The following ROBO1 variants were observed in gnomAD, a reference collection of about 807,000 sequenced individuals.
ROBO1 encodes roundabout guidance receptor 1.
In ROBO1, 149 loss-of-function variants were observed where a neutral mutation model predicts 195.9. The ratio of observed to expected loss-of-function variants is 0.76; its 90% CI spans 0.67 to 0.87. The LOEUF is 0.87. Ranked by LOEUF, ROBO1 falls within the 40% of genes least tolerant of loss-of-function variation. ROBO1 has a pLI of 0.00. For synonymous variants in ROBO1, 816 were observed against 733.2 expected (o/e 1.11, Z -1.82); for missense variants, 1,933 against 2,068.3 (o/e 0.93, Z 1.27).
chr3:78,628,306 C>A (rs902995021), intron 25 of ROBO1, among the ~76,000 whole-genome samples: 1 of 152,210 alleles, frequency 6.6e-6, no homozygotes, highest in African/African-American at 2.4e-5. Flanking sequence ...TGGAGGTCAA[C>A]CTGTTCAGTC....
intron 2 of ROBO1, among the ~76,000 whole-genome samples, chr3:79,276,327 A>T (rs1279467409): frequency 2.0e-5 from 3 of 151,930 alleles, no homozygotes; most frequent in Admixed American, 2.0e-4. Flanking sequence ...ATACATCTAC[A>T]CTCAACTCAT....
At chr3:79,022,612 C>A (rs557298429) in intron 3 of ROBO1, among the ~76,000 whole-genome samples, 1 of 152,330 alleles carries the variant, frequency 6.6e-6, no homozygotes, top group East Asian at 1.9e-4. Flanking sequence ...CTTCAGGGAA[C>A]TCTGACATGT....
At chr3:78,641,885 C>A (rs779617597) in intron 21 of ROBO1, among the ~76,000 whole-genome samples, 1 of 152,244 alleles carries the variant, frequency 6.6e-6, no homozygotes, top group Admixed American at 6.5e-5. Flanking sequence ...GCTGACTTAT[C>A]GATTTACATC....
intron 2 of ROBO1, among the ~76,000 whole-genome samples, chr3:79,142,224 T>C (rs1158178060): frequency 6.6e-6 from 1 of 152,190 alleles, no homozygotes; most frequent in Non-Finnish European, 1.5e-5. Context: ...TATTAGGCTA[T>C]TTATGTATTT....
At chr3:79,607,358 C>T (rs1944521862) in intron 1 of ROBO1, among the ~76,000 whole-genome samples, 2 of 151,420 alleles carry the variant, frequency 1.3e-5, no homozygotes, top group South Asian at 4.2e-4. Flanking sequence ...CAATTGCTCT[C>T]ATAGCCTTTA....
At chr3:78,960,890 GT>G (rs1417104934) in intron 3 of ROBO1, among the ~76,000 whole-genome samples, 5 of 150,172 alleles carry the variant, frequency 3.3e-5, no homozygotes, top group Non-Finnish European at 5.9e-5. Flanking sequence ...ATTTTTACTG[GT>G]TTTCCATTCA....
intron 4 of ROBO1, among the ~76,000 whole-genome samples, chr3:78,825,373 G>C (rs1212473160): frequency 6.6e-6 from 1 of 152,048 alleles, no homozygotes; most frequent in Non-Finnish European, 1.5e-5. Context: ...GAAAGAAAGA[G>C]TCCTGAAACA....
At chr3:79,576,658 T>C (rs1014251440) in intron 2 of ROBO1, among the ~76,000 whole-genome samples, 2 of 152,030 alleles carry the variant, frequency 1.3e-5, no homozygotes, top group African/African-American at 4.8e-5. Context: ...TTGCTGTAAA[T>C]AAAGTAATCT....
At chr3:79,596,959 G>T (rs1009953801) in intron 1 of ROBO1, among the ~76,000 whole-genome samples, 3 of 151,928 alleles carry the variant, frequency 2.0e-5, no homozygotes, top group African/African-American at 4.8e-5. Flanking sequence ...AGTCTAATTG[G>T]TGGAGAAAAA....
intron 3 of ROBO1, among the ~76,000 whole-genome samples, chr3:79,072,443 A>G (rs2079105630): frequency 6.6e-6 from 1 of 151,922 alleles, no homozygotes; most frequent in Non-Finnish European, 1.5e-5. Context: ...TAGCAGTGAC[A>G]AGCCTGCATT....
chr3:78,600,293 A>G lies in ROBO1; in HGVS notation c.4761T>C (p.Tyr1587=). Residue 1587 remains tyrosine, a synonymous_variant, in exon 30 of 31, where the codon TAT becomes TAC. Transcript: ENST00000464233. ...TTGATGTTGGAAAAGTAGGTCTACA[A>G]TAAGGTAGAATATCCTCTGTGTAAT... The part of the protein sequence containing the change: ...THLIQEDILP[Y]CRPTFPTSNN... The G allele has an allele frequency of 6.2e-7, 1 of 1,603,778 alleles. No individual in the cohort carries two copies. Among genetic ancestry groups the G allele is most frequent in the Non-Finnish European group, 8.5e-7 (1 of 1,170,740 alleles).
chr3:79,435,050 C>T (rs2038835391), intron 2 of ROBO1, among the ~76,000 whole-genome samples: 1 of 151,984 alleles, frequency 6.6e-6, no homozygotes, highest in South Asian at 2.1e-4. Flanking sequence ...ACATCACATA[C>T]CAGGGCCTGT....
chr3:79,385,675 T>C (rs2036717059), intron 2 of ROBO1, among the ~76,000 whole-genome samples: 1 of 152,134 alleles, frequency 6.6e-6, no homozygotes, highest in Admixed American at 6.6e-5. Context: ...GAAACTCTTT[T>C]AGTCTTCATG....
chr3:79,014,451 C>T (rs541944074), intron 3 of ROBO1, among the ~76,000 whole-genome samples: 50 of 152,148 alleles, frequency 3.3e-4, no homozygotes, highest in African/African-American at 9.4e-4. Context: ...CCAGCCTGGG[C>T]GACAGGGTGA....
intron 4 of ROBO1, among the ~76,000 whole-genome samples, chr3:78,831,266 T>C (rs1454359234): frequency 6.6e-6 from 1 of 152,072 alleles, no homozygotes; most frequent in Admixed American, 6.6e-5. Context: ...TGGGAAACTC[T>C]GATATAAACA....
At chr3:78,919,136 G>A (rs746712104) in intron 4 of ROBO1, among the ~76,000 whole-genome samples, 6 of 152,014 alleles carry the variant, frequency 3.9e-5, no homozygotes, top group South Asian at 2.1e-4. Context: ...CTTTCTTACC[G>A]GTTATTACAT....
chr3:79,483,221 T>C (rs1414349088), intron 2 of ROBO1, among the ~76,000 whole-genome samples: 1 of 152,132 alleles, frequency 6.6e-6, no homozygotes, highest in East Asian at 1.9e-4. Context: ...TTGTGAAAAA[T>C]GGCAGATGGC....
chr3:79,014,722 G>T (rs2077879326), intron 3 of ROBO1, among the ~76,000 whole-genome samples: 1 of 152,110 alleles, frequency 6.6e-6, no homozygotes, highest in Non-Finnish European at 1.5e-5. Flanking sequence ...TAAATTGAAT[G>T]ATAACTTTGC....
chr3:79,494,166 C>A (rs936622739), intron 2 of ROBO1, among the ~76,000 whole-genome samples: 15 of 152,222 alleles, frequency 9.9e-5, no homozygotes, highest in African/African-American at 3.4e-4. Flanking sequence ...TTTCTCCCCA[C>A]GCCCCATGCT....
Sources: gnomAD v4.1 joint callset for allele counts (sites outside exome capture counted in the v4.1 genomes callset) on GRCh38, gnomAD v4.1.1 for gene constraint, MANE v1.5 for transcripts, NCBI Gene and HGNC (gene_info 2026-07-23, HGNC 2026-07-21) for gene names.